PCNX1: variants seen among roughly 807,000 people sequenced by gnomAD.
PCNX1 encodes the protein pecanex 1.
Under a neutral mutation model 242.2 loss-of-function variants are expected in PCNX1, and 78 were observed. The observed-to-expected ratio is 0.32, with a 90% CI of 0.27 to 0.39. The LOEUF (loss-of-function observed/expected upper bound fraction) is 0.39, where lower values mean the gene tolerates loss of function less well. Ranked by LOEUF, PCNX1 falls within the 10% of genes least tolerant of loss-of-function variation. The probability of loss-of-function intolerance (pLI) is 1.00; values close to 1 mark genes in which losing one functional copy is unlikely to be tolerated. For synonymous variants in PCNX1, 1,024 were observed against 1,032.9 expected, an observed-to-expected ratio of 0.99 and a Z score of 0.17; for missense variants, 2,581 against 2,856.5, an observed-to-expected ratio of 0.90 and a Z score of 2.20.
At chr14:70,960,475 G>A (rs2058168538) in intron 2 of PCNX1, among the ~76,000 whole-genome samples, 1 of 152,138 alleles carries the variant, frequency 6.6e-6, no homozygotes, top group African/African-American at 2.4e-5. Context: ...AACACTTCAT[G>A]CTAAAAACTC....
intron 2 of PCNX1, among the ~76,000 whole-genome samples, chr14:70,955,830 A>G (rs1456054789): frequency 1.3e-5 from 2 of 152,154 alleles, no homozygotes; most frequent in Non-Finnish European, 2.9e-5. Context: ...ATTTATAGAG[A>G]AGAAAGAAGT....
At chr14:70,974,269 A>C (rs1595103517) in intron 5 of PCNX1, among the ~76,000 whole-genome samples, 1 of 110,402 alleles carries the variant, frequency 9.1e-6, no homozygotes, top group African/African-American at 3.6e-5. Flanking sequence ...TTTGAGAGGG[A>C]GTCTCGCTCT....
chr14:70,961,860 C>CT (rs1360713262), intron 2 of PCNX1, among the ~76,000 whole-genome samples: 1 of 152,126 alleles, frequency 6.6e-6, no homozygotes, highest in Non-Finnish European at 1.5e-5. Context: ...TGAACAATTT[C>CT]TCTTTGCTCT....
intron 1 of PCNX1, among the ~76,000 whole-genome samples, chr14:70,937,721 G>A (rs2057067155): frequency 6.6e-6 from 1 of 152,132 alleles, no homozygotes; most frequent in Non-Finnish European, 1.5e-5. Context: ...AAATTACCTT[G>A]GGCAGTATGT....
chr14:70,920,053 C>T, intron 1 of PCNX1, among the ~76,000 whole-genome samples: 1 of 152,066 alleles, frequency 6.6e-6, no homozygotes, highest in Non-Finnish European at 1.5e-5. Flanking sequence ...TTTCCTACCC[C>T]TCCTCACTCC....
rs1758775609 is a variant in PCNX1 at position 70,977,596 on chromosome 14, C to T, written c.1259C>T (p.Ser420Phe). The T allele has an allele frequency of 1.2e-6, 2 of 1,614,044 alleles. No homozygotes were observed. Among genetic ancestry groups the T allele is most frequent in the African/African-American group, 1.3e-5 (1 of 74,906 alleles). ...IESILSEHEE[S>F]PKAGTKSGRK... ...AGCATCCTGTCAGAGCATGAGGAGT[C>T]TCCTAAAGCAGGAACAAAAAGTGGG... The change falls in exon 6 of 36, where the codon TCT becomes TTT. Residue 420 changes from serine (S) to phenylalanine (F), a missense_variant. Coordinates refer to ENST00000304743, the MANE Select transcript of PCNX1 (RefSeq NM_014982.3).
At chr14:71,017,461 AAAAT>A (rs1468708444) in intron 11 of PCNX1, among the ~76,000 whole-genome samples, 4 of 152,300 alleles carry the variant, frequency 2.6e-5, no homozygotes, top group African/African-American at 4.8e-5. Context: ...TTCAAAAACA[AAAAT>A]AAAGAACTTG....
intron 26 of PCNX1, among the ~76,000 whole-genome samples, chr14:71,064,680 A>C (rs2061405829): frequency 6.6e-6 from 1 of 152,240 alleles, no homozygotes; most frequent in Admixed American, 6.5e-5. Flanking sequence ...CAGGTTTGTT[A>C]CATAGGTATA....
At chr14:70,983,451 C>CCA (rs1259875172) in intron 6 of PCNX1, among the ~76,000 whole-genome samples, 6 of 152,072 alleles carry the variant, frequency 3.9e-5, no homozygotes, top group African/African-American at 1.4e-4. Context: ...ACTGCAGGTG[C>CCA]CCGCCACGAC....
chr14:71,107,048 T>C (rs978283355), intron 33 of PCNX1, among the ~76,000 whole-genome samples: 13 of 152,144 alleles, frequency 8.5e-5, no homozygotes, highest in Non-Finnish European at 1.9e-4. Flanking sequence ...AGTATGCTTT[T>C]ATTAATTTCC....
intron 19 of PCNX1, among the ~76,000 whole-genome samples, chr14:71,042,298 G>T (rs1453703803): frequency 6.6e-6 from 1 of 152,000 alleles, no homozygotes; most frequent in African/African-American, 2.4e-5. Flanking sequence ...ACTCTATTGG[G>T]GTCTATCTCA....
intron 6 of PCNX1, among the ~76,000 whole-genome samples, chr14:70,983,173 C>A (rs1237407298): frequency 6.6e-6 from 1 of 152,106 alleles, no homozygotes; most frequent in Admixed American, 6.5e-5. Context: ...ATCCCATTCA[C>A]AAAGGACTAA....
intron 1 of PCNX1, among the ~76,000 whole-genome samples, chr14:70,921,112 A>C (rs1023164802): frequency 1.3e-5 from 2 of 152,184 alleles, no homozygotes; most frequent in Non-Finnish European, 2.9e-5. Context: ...ATTATTTATA[A>C]CATTCTTGGT....
intron 13 of PCNX1, among the ~76,000 whole-genome samples, chr14:71,024,555 C>A (rs972035661): frequency 1.3e-5 from 2 of 151,340 alleles, no homozygotes; most frequent in East Asian, 1.9e-4. Context: ...GATGATGTTT[C>A]TGATTTGATA....
At chr14:71,037,791 G>A (rs952610561) in intron 19 of PCNX1, among the ~76,000 whole-genome samples, 2 of 150,918 alleles carry the variant, frequency 1.3e-5, no homozygotes, top group Non-Finnish European at 2.9e-5. Flanking sequence ...AAAGAACAAA[G>A]CTGGAGGCAT....
In PCNX1 at chr14:71,009,728, T is replaced by A; in HGVS notation, c.2720+4T>A. ...CAAGAAGAGCATCCAATATCTGGTA[T>A]GTGTGAAGTCATATTAGGAGTGTGT... On this transcript the variant is annotated splice_donor_region_variant and intron_variant, in intron 9 of 35. Transcript: ENST00000304743. 6.4e-7 allele frequency: 1 copy of A among 1,555,384 alleles called. No individual in the cohort carries two copies.
At chr14:71,001,191 CT>C (rs2059496438) in intron 8 of PCNX1, among the ~76,000 whole-genome samples, 1 of 152,090 alleles carries the variant, frequency 6.6e-6, no homozygotes, top group Non-Finnish European at 1.5e-5. Context: ...ACACTGTTTC[CT>C]GATATTTCCT....
chr14:71,005,960 T>A (rs936148258), intron 8 of PCNX1, among the ~76,000 whole-genome samples: 1 of 151,340 alleles, frequency 6.6e-6, no homozygotes, highest in Non-Finnish European at 1.5e-5. Context: ...TCTCACTCTC[T>A]TGCCCAGGCT....
chr14:70,927,274 T>C (rs1291895109), intron 1 of PCNX1, among the ~76,000 whole-genome samples: 2 of 152,330 alleles, frequency 1.3e-5, no homozygotes, highest in Non-Finnish European at 1.5e-5. Context: ...TGTAAGTGTG[T>C]CTTAGTTGCC....
Sources: allele counts gnomAD v4.1 joint callset (sites outside exome capture counted in the v4.1 genomes callset), GRCh38; gene constraint gnomAD v4.1.1; transcripts MANE v1.5; gene names NCBI Gene and HGNC (gene_info 2026-07-23, HGNC 2026-07-21).